SLC39A11: variants seen among roughly 807,000 people sequenced by gnomAD.
SLC39A11 encodes solute carrier family 39 member 11.
In SLC39A11, 33 loss-of-function variants were observed where a neutral mutation model predicts 36.1. The observed-to-expected ratio is 0.91, with a 90% CI of 0.69 to 1.22. The LOEUF (loss-of-function observed/expected upper bound fraction) is 1.22, where lower values mean the gene tolerates loss of function less well. Ranked by LOEUF, SLC39A11 falls within the 50% of genes most tolerant of loss-of-function variation. The probability of loss-of-function intolerance (pLI) is 0.00; values close to 1 mark genes in which losing one functional copy is unlikely to be tolerated. For synonymous variants in SLC39A11, 166 were observed against 170.3 expected, an observed-to-expected ratio of 0.97 and a Z score of 0.20; for missense variants, 432 against 430.3, an observed-to-expected ratio of 1.00 and a Z score of -0.03.
At chr17:72,942,037 C>T (rs180808976) in intron 5 of SLC39A11, among the ~76,000 whole-genome samples, 4 of 149,718 alleles carry the variant, frequency 2.7e-5, no homozygotes, top group Admixed American at 6.7e-5. Flanking sequence ...TGTGCCACCA[C>T]GCCTGGCTAA....
chr17:73,000,386 C>T (rs2089754464), intron 4 of SLC39A11, among the ~76,000 whole-genome samples: 1 of 152,012 alleles, frequency 6.6e-6, no homozygotes, highest in Non-Finnish European at 1.5e-5. Context: ...CTCTCTCTCT[C>T]TCTGATGCTG....
intron 4 of SLC39A11, among the ~76,000 whole-genome samples, chr17:72,966,238 G>C (rs1339480407): frequency 6.6e-6 from 1 of 152,216 alleles, no homozygotes; most frequent in Non-Finnish European, 1.5e-5. Flanking sequence ...ACATCCAGTG[G>C]GTTCCAGAGA....
intron 3 of SLC39A11, among the ~76,000 whole-genome samples, chr17:73,041,408 C>A (rs2059110097): frequency 1.3e-5 from 2 of 152,178 alleles, no homozygotes; most frequent in South Asian, 4.1e-4. Flanking sequence ...GCCAGGGAGC[C>A]TTTGACAATG....
At chr17:72,894,564 G>A (rs991136475) in intron 5 of SLC39A11, among the ~76,000 whole-genome samples, 1 of 150,738 alleles carries the variant, frequency 6.6e-6, no homozygotes, top group African/African-American at 2.4e-5. Flanking sequence ...CAGCTACTTG[G>A]GAGGCTGAGG....
intron 6 of SLC39A11, among the ~76,000 whole-genome samples, chr17:72,836,543 G>A (rs758747485): frequency 1.3e-5 from 2 of 151,918 alleles, no homozygotes; most frequent in Non-Finnish European, 1.5e-5. Flanking sequence ...GTTTCCCCAC[G>A]TTGCCCAGGC....
chr17:72,679,990 C>T (rs1464781271), intron 7 of SLC39A11, among the ~76,000 whole-genome samples: 1 of 128,564 alleles, frequency 7.8e-6, no homozygotes, highest in Non-Finnish European at 1.5e-5. Context: ...TGCAGTGAGC[C>T]AAGATCGAGC....
Position 72,665,153 on chromosome 17 carries a change from C to A in SLC39A11, c.672-15885G>T, listed in dbSNP as rs540369612. On this transcript the variant is annotated intron_variant, in intron 7 of 9. Transcript: ENST00000255559. ...TATTCAAGCAGCCATGTGGAGGTGCCTACATGATGAGGAACTGAGACTTCC... is the reference window on the plus strand; with the variant it reads ...TATTCAAGCAGCCATGTGGAGGTGCATACATGATGAGGAACTGAGACTTCC... Among the ~76,000 whole-genome samples the A allele has an allele frequency of 2.0e-5, 3 of 152,224 alleles. No individual in the cohort carries two copies. In the East Asian group the frequency reaches 5.8e-4, roughly 29 times the overall value.
At chr17:73,050,571 C>T (rs2059462788) in intron 3 of SLC39A11, among the ~76,000 whole-genome samples, 1 of 150,842 alleles carries the variant, frequency 6.6e-6, no homozygotes, top group South Asian at 2.1e-4. Flanking sequence ...TCAAGTAGTT[C>T]TCATGCCTCA....
At chr17:72,699,183 T>C (rs901970610) in intron 7 of SLC39A11, among the ~76,000 whole-genome samples, 1 of 152,142 alleles carries the variant, frequency 6.6e-6, no homozygotes, top group Non-Finnish European at 1.5e-5. Context: ...GGGTGTCCAA[T>C]CTTTTGGCTT....
At chr17:72,801,426 C>A (rs575842184) in intron 6 of SLC39A11, among the ~76,000 whole-genome samples, 227 of 152,310 alleles carry the variant, frequency 1.5e-3, no homozygotes, top group African/African-American at 5.2e-3. Flanking sequence ...AGGGTTTCAC[C>A]AGGTTGGCCA....
chr17:72,965,856 A>G (rs1018516866), intron 4 of SLC39A11, among the ~76,000 whole-genome samples: 1 of 152,214 alleles, frequency 6.6e-6, no homozygotes, highest in Admixed American at 6.5e-5. Context: ...TGACCTTGTC[A>G]CTTCAACTCT....
At chr17:72,649,332 C>T (rs1409305497) in intron 7 of SLC39A11, 64 bp from the exon 8 acceptor site, 33 of 1,488,384 alleles carry the variant, frequency 2.2e-5, no homozygotes, top group East Asian at 2.3e-5. Flanking sequence ...AATGGGAGTC[C>T]CTGGCCGAGG....
intron 7 of SLC39A11, among the ~76,000 whole-genome samples, chr17:72,698,906 C>T (rs1355661448): frequency 1.3e-5 from 2 of 152,176 alleles, no homozygotes; most frequent in Admixed American, 6.5e-5. Context: ...TCTCGGCTCA[C>T]TGCAAGCTCT....
chr17:73,068,397 A>ATATG (rs2060060941), intron 3 of SLC39A11: 7 of 454,946 alleles, frequency 1.5e-5, no homozygotes, highest in Non-Finnish European at 2.7e-5. Flanking sequence ...CCAAAAGCAG[A>ATATG]GAAGCAGGAA....
intron 7 of SLC39A11, among the ~76,000 whole-genome samples, chr17:72,674,927 T>C (rs1484836388): frequency 1.3e-5 from 2 of 149,664 alleles, no homozygotes; most frequent in African/African-American, 4.9e-5. Flanking sequence ...GAAATATACA[T>C]AGATGAGAAG....
intron 4 of SLC39A11, among the ~76,000 whole-genome samples, chr17:72,973,011 G>A (rs1457746216): frequency 2.6e-5 from 4 of 151,638 alleles, no homozygotes; most frequent in East Asian, 3.9e-4. Flanking sequence ...CCTGGACAGC[G>A]ACCACACAGG....
At chr17:72,713,236 G>A (rs1275053588) in intron 7 of SLC39A11, among the ~76,000 whole-genome samples, 1 of 152,162 alleles carries the variant, frequency 6.6e-6, no homozygotes, top group South Asian at 2.1e-4. Flanking sequence ...GAAAGATTAG[G>A]AGCCACAGTC....
intron 6 of SLC39A11, among the ~76,000 whole-genome samples, chr17:72,744,070 C>T (rs2144166905): frequency 6.6e-6 from 1 of 152,356 alleles, no homozygotes; most frequent in East Asian, 1.9e-4. Context: ...TCCATCCCTC[C>T]ATGGCCTCCT....
chr17:73,021,054 A>T (rs2058334720), intron 4 of SLC39A11, among the ~76,000 whole-genome samples: 1 of 151,952 alleles, frequency 6.6e-6, no homozygotes, highest in Non-Finnish European at 1.5e-5. Context: ...GCCAAACTAC[A>T]TCTCTACCCC....
Sources: gnomAD v4.1 joint callset for allele counts (sites outside exome capture counted in the v4.1 genomes callset) on GRCh38, gnomAD v4.1.1 for gene constraint, MANE v1.5 for transcripts, NCBI Gene and HGNC (gene_info 2026-07-23, HGNC 2026-07-21) for gene names.